CELSR1: variants seen among roughly 807,000 people sequenced by gnomAD.
CELSR1 encodes cadherin EGF LAG seven-pass G-type receptor 1.
Under a neutral mutation model 249.1 loss-of-function variants are expected in CELSR1, and 110 were observed. The ratio of observed to expected loss-of-function variants is 0.44; its 90% CI spans 0.38 to 0.52. The LOEUF is 0.52. Ranked by LOEUF, CELSR1 falls within the 20% of genes least tolerant of loss-of-function variation. The pLI, the probability that CELSR1 is intolerant of heterozygous loss-of-function variation, is 0.00. For missense variants in CELSR1, 4,109 were observed against 4,296.4 expected, an observed-to-expected ratio of 0.96 and a Z score of 1.22; for synonymous variants, 2,113 against 1,900.0, an observed-to-expected ratio of 1.11 and a Z score of -2.92.
intron 5 of CELSR1, among the ~76,000 whole-genome samples, chr22:46,415,760 GC>G (rs1266998791): frequency 1.3e-5 from 2 of 152,134 alleles, no homozygotes; most frequent in African/African-American, 4.8e-5. Flanking sequence ...TGGCCTTCCT[GC>G]CAGGTGGCTA....
intron 1 of CELSR1, among the ~76,000 whole-genome samples, chr22:46,467,860 C>G (rs972335858): frequency 2.6e-5 from 4 of 151,894 alleles, no homozygotes; most frequent in African/African-American, 9.7e-5. Flanking sequence ...GATGCTGCAG[C>G]GACTCCTACA....
chr22:46,432,635 A>T (rs888167868), intron 5 of CELSR1, among the ~76,000 whole-genome samples: 1 of 152,226 alleles, frequency 6.6e-6, no homozygotes, highest in Admixed American at 6.5e-5. Flanking sequence ...GAACAGCAAA[A>T]TAAAGTGAAA....
chr22:46,369,005 C>A, intron 27 of CELSR1, 174 bp downstream of exon 27: 1 of 616,630 alleles, frequency 1.6e-6, no homozygotes. Context: ...TCCCCCAGCC[C>A]CTGCAGGTGC....
intron 1 of CELSR1, among the ~76,000 whole-genome samples, chr22:46,524,656 C>T (rs1252209238): frequency 1.3e-5 from 2 of 152,044 alleles, no homozygotes; most frequent in Non-Finnish European, 2.9e-5. Context: ...GGGATGACCC[C>T]ACTAAAAGGC....
In CELSR1 at chr22:46,473,165, G is replaced by A. The variant is rs1477976789; in HGVS notation, c.3545-8820C>T. On this transcript the variant is annotated intron_variant, in intron 1 of 34. Coordinates refer to ENST00000674500, the MANE Select transcript of CELSR1 (RefSeq NM_001378328.1). The surrounding 1 kb of genome is among the most constrained non-coding windows in gnomAD (Gnocchi z 6.6). ...GAAGGAGAAATGTCCGCAGAGGGGTGGACAGGACCCACGCACCACGAGGAA... is the reference window on the plus strand; with the variant it reads ...GAAGGAGAAATGTCCGCAGAGGGGTAGACAGGACCCACGCACCACGAGGAA... Among the ~76,000 whole-genome samples, 1 of 152,110 alleles carries A rather than the reference G, an allele frequency of 6.6e-6. No individual in the cohort carries two copies. The highest frequency in any genetic ancestry group is 1.9e-4 in the East Asian group (1 of 5,182).
chr22:46,511,749 G>A (rs986469118), intron 1 of CELSR1, among the ~76,000 whole-genome samples: 1 of 152,166 alleles, frequency 6.6e-6, no homozygotes, highest in South Asian at 2.1e-4. Flanking sequence ...GGAGAGTAGG[G>A]GGCAGAAGAA....
chr22:46,439,345 G>A lies in CELSR1; in HGVS notation c.4250C>T (p.Thr1417Ile), dbSNP rs763076675. 1.2e-5 allele frequency: 19 copies of A among 1,614,074 alleles called. No homozygotes were observed. The East Asian group carries it at 4.2e-4, about 36-fold the overall frequency. Residue 1417 changes from threonine (T) to isoleucine (I), a missense_variant, in exon 3 of 35, where the codon ACC (threonine) becomes ATC (isoleucine). Coordinates refer to ENST00000674500, the MANE Select transcript of CELSR1 (RefSeq NM_001378328.1). ...GCCGCCGATGAGCAGGTTCACGCAG[G>A]TGCCCCCGTTCTTGCACACCCCGTT... ...CANGVCKNGG[T>I]CVNLLIGGFH...
intron 2 of CELSR1, among the ~76,000 whole-genome samples, chr22:46,462,289 C>T (rs1331423997): frequency 1.3e-5 from 2 of 152,192 alleles, no homozygotes; most frequent in Admixed American, 1.3e-4. Flanking sequence ...TTCCACCTGC[C>T]ATATGACCAG....
chr22:46,468,679 T>C lies in CELSR1; in HGVS notation c.3545-4334A>G, dbSNP rs1375040813. On this transcript the variant is annotated intron_variant, in intron 1 of 34. Coordinates refer to ENST00000674500, the MANE Select transcript of CELSR1 (RefSeq NM_001378328.1). The surrounding 1 kb of genome is among the most constrained non-coding windows in gnomAD (Gnocchi z 4.5). ...ATGAAAAAGTTCTGGAGATAGATGG[T>C]GGTGATGGCTGCACAGCAAAGCTAA... Among the ~76,000 whole-genome samples the C allele has an allele frequency of 6.6e-6, 1 of 152,134 alleles. No individual in the cohort carries two copies. Among genetic ancestry groups the C allele is most frequent in the Non-Finnish European group, 1.5e-5 (1 of 68,026 alleles).
intron 5 of CELSR1, among the ~76,000 whole-genome samples, chr22:46,426,295 C>G (rs372002972): frequency 6.6e-6 from 1 of 152,212 alleles, no homozygotes; most frequent in Non-Finnish European, 1.5e-5. Context: ...GGAAAAACAA[C>G]AAGAATGACC....
rs1002476289 is a variant in CELSR1 at position 46,408,932 on chromosome 22, C to A, written c.5226+64G>T. The A allele has an allele frequency of 1.6e-5, 22 of 1,373,666 alleles. No individual in the cohort carries two copies. Among genetic ancestry groups the A allele is most frequent in the African/African-American group, 1.0e-4 (7 of 67,636 alleles). 85.1% of individuals were successfully genotyped at this position (1,373,666 alleles called of 1,614,324 possible). ...CCCGAGTGTGCACCAGGAAGCCCAG[C>A]GCCTGGGTCCCTCCCTCGGGCACCC... On this transcript the variant is annotated intron_variant, in intron 9 of 34. Transcript: ENST00000674500. The surrounding 1 kb of genome is among the most constrained non-coding windows in gnomAD (Gnocchi z 4.6).
At position 46,464,477 on chromosome 22, in the gene CELSR1, C is replaced by T; in HGVS notation, c.3545-132G>A. On this transcript the variant is annotated intron_variant, in intron 1 of 34. Coordinates refer to ENST00000674500, the MANE Select transcript of CELSR1 (RefSeq NM_001378328.1). This position sits in a 1 kb window ranked among gnomAD's most constrained non-coding sequence, Gnocchi z 8.5. ...AGCCTGGGCATCCCCACTCCCCATT[C>T]CCCACCCATGACCACCACCTTGACC... The T allele has an allele frequency of 1.1e-6, 1 of 909,010 alleles. No individual in the cohort carries two copies. The highest frequency in any genetic ancestry group is 1.6e-6 in the Non-Finnish European group (1 of 612,842). 56.3% of individuals were successfully genotyped at this position (909,010 alleles called of 1,614,324 possible). A position where few individuals can be genotyped will look rare whatever the true frequency, so the allele number is the denominator to read the frequency against.
chr22:46,439,252 G>A lies in CELSR1; in HGVS notation c.4343C>T (p.Pro1448Leu), dbSNP rs377649796. The change falls in exon 3 of 35, where the codon CCG (proline) becomes CTG (leucine). Residue 1448 changes from proline (P) to leucine (L), a missense_variant. Around this residue, in one of 7 missense-constraint regions of CELSR1, gnomAD observed 453 missense variants for 492.0 expected, o/e 0.92. Coordinates refer to ENST00000674500, the MANE Select transcript of CELSR1 (RefSeq NM_001378328.1). ...PYCEVTTRSF[P>L]PQSFVTFRGL... ...CCGGAAGGTGACGAAGGACTGGGGC[G>A]GGAAGCTCCTGGTGGTCACCTCACA... 5.8e-5 allele frequency: 93 copies of A among 1,614,094 alleles called. No homozygotes were observed. Among genetic ancestry groups the A allele is most frequent in the South Asian group, 2.9e-4 (26 of 91,078 alleles).
rs2080356602 is a variant in CELSR1, at chr22:46,490,473, G to A, written c.3545-26128C>T. ...GGCTAATTTTTGTATTTTTAGTAGA[G>A]ACGGGGTTTCACCATGTTGGTCAGG... is the stretch of plus-strand genomic sequence containing the variant. On this transcript the variant is annotated intron_variant, in intron 1 of 34. Coordinates refer to ENST00000674500, the MANE Select transcript of CELSR1 (RefSeq NM_001378328.1). The surrounding 1 kb of genome is among the most constrained non-coding windows in gnomAD (Gnocchi z 5.2). 6.6e-6 allele frequency among the ~76,000 whole-genome samples: 1 copy of A among 151,984 alleles called. No individual in the cohort carries two copies. Among genetic ancestry groups the A allele is most frequent in the African/African-American group, 2.4e-5 (1 of 41,364 alleles).
chr22:46,487,845 A>G (rs2080330004), intron 1 of CELSR1, among the ~76,000 whole-genome samples: 2 of 112,178 alleles, frequency 1.8e-5, no homozygotes, highest in South Asian at 6.9e-4. Flanking sequence ...GGAAGAAGGG[A>G]GTCCAGGGTG....
Position 46,369,735 on chromosome 22 carries a change from G to T in CELSR1, c.7829C>A (p.Thr2610Asn), listed in dbSNP as rs779226023. The stretch of plus-strand genomic sequence containing the variant: ...GGGCCCCGCAAAGCTCCAAATCAGG[G>T]TGTCTTGAAGCGACAGCCAGCAGAA... ...PDFCWLSLQD[T>N]LIWSFAGPIG... Residue 2610 changes from threonine (T) to asparagine (N), a missense_variant, in exon 26 of 35, where the codon ACC becomes AAC. Physicochemically the swap from Thr to Asn is moderately conservative, Grantham distance 65. Around this residue, in one of 7 missense-constraint regions of CELSR1, gnomAD observed 1,805 missense variants for 1,831.6 expected, o/e 0.99. Coordinates refer to ENST00000674500, the MANE Select transcript of CELSR1 (RefSeq NM_001378328.1). The T allele has an allele frequency of 6.2e-7, 1 of 1,613,376 alleles. No individual in the cohort carries two copies. Among genetic ancestry groups the T allele is most frequent in the African/African-American group, 1.3e-5 (1 of 74,930 alleles).
At chr22:46,367,896 C>T (rs746877595) in intron 27 of CELSR1, 41 bp from the exon 28 acceptor site, 21 of 1,579,210 alleles carry the variant, frequency 1.3e-5, no homozygotes, top group Non-Finnish European at 1.8e-5. Context: ...ATCGCCACCA[C>T]CTGCTCCCTT....
At chr22:46,366,617 G>A (rs1446757583) in intron 29 of CELSR1, 137 bp from the exon 30 acceptor site, 4 of 730,214 alleles carry the variant, frequency 5.5e-6, no homozygotes, top group African/African-American at 3.5e-5. Flanking sequence ...AGGAGGAGCT[G>A]GCCCCAAGCA....
chr22:46,478,883 G>A lies in CELSR1; in HGVS notation c.3545-14538C>T, dbSNP rs552175398. Among the ~76,000 whole-genome samples the A allele has an allele frequency of 7.2e-5, 11 of 151,966 alleles. No individual in the cohort carries two copies. In the South Asian group the frequency reaches 8.3e-4, roughly 11 times the overall value. On this transcript the variant is annotated intron_variant, in intron 1 of 34. Transcript: ENST00000674500. Reference sequence around the variant, plus strand: ...GAGACGTCTTAGTAAACACAGCAACGAGCCCAACCCAGCCCTGCAGCAGGT... The same window carrying A: ...GAGACGTCTTAGTAAACACAGCAACAAGCCCAACCCAGCCCTGCAGCAGGT...
Sources: gnomAD v4.1 joint callset for allele counts (sites outside exome capture counted in the v4.1 genomes callset) on GRCh38, gnomAD v4.1.1 for gene constraint, gnomAD v4.1.1 regional missense constraint, Gnocchi (gnomAD v3.1) non-coding constraint, MANE v1.5 for transcripts, NCBI Gene and HGNC (gene_info 2026-07-23, HGNC 2026-07-21) for gene names.